NLGN1: variants seen among roughly 807,000 people sequenced by gnomAD.
NLGN1 encodes neuroligin 1, also known as neuroligin-1.
A neutral mutation model predicts 65.5 loss-of-function variants in NLGN1; 12 were observed. The observed-to-expected ratio is 0.18, with a 90% confidence interval of 0.12 to 0.30. The LOEUF is 0.30. Ranked by LOEUF, NLGN1 falls within the 10% of genes least tolerant of loss-of-function variation. The probability of loss-of-function intolerance (pLI) is 1.00; values close to 1 mark genes in which losing one functional copy is unlikely to be tolerated. For missense variants in NLGN1, 750 were observed against 1,007.1 expected, an observed-to-expected ratio of 0.74 and a Z score of 3.46; for synonymous variants, 350 against 359.5, an observed-to-expected ratio of 0.97 and a Z score of 0.30.
chr3:173,590,673 T>G (rs749712484), intron 2 of NLGN1, among the ~76,000 whole-genome samples: 12 of 152,208 alleles, frequency 7.9e-5, no homozygotes, highest in Non-Finnish European at 1.8e-4. Flanking sequence ...CTTTATGTAA[T>G]GAATACCTGG....
intron 2 of NLGN1, among the ~76,000 whole-genome samples, chr3:173,566,726 T>G (rs531082417): frequency 2.6e-5 from 4 of 152,274 alleles, no homozygotes; most frequent in African/African-American, 9.6e-5. Flanking sequence ...ATATTTATTT[T>G]TGTGTACATC....
rs1727454823 is a variant in NLGN1, at chr3:173,853,932, C to A, written c.646+46100C>A. ...AAATTTATATACATTTGATAGTGATCAGTCTTGTTTTATGCAATTGATATA... is the reference window on the plus strand; with the variant it reads ...AAATTTATATACATTTGATAGTGATAAGTCTTGTTTTATGCAATTGATATA... On this transcript the variant is annotated intron_variant, in intron 4 of 6. Coordinates refer to ENST00000457714, the Ensembl canonical transcript of NLGN1. Among the ~76,000 whole-genome samples, 2 of 151,760 alleles carry A rather than the reference C, an allele frequency of 1.3e-5. 1 individual carries two copies. Among genetic ancestry groups the A allele is most frequent in the Non-Finnish European group, 2.9e-5 (2 of 67,860 alleles).
At chr3:173,982,687 A>T (rs1225252025) in intron 4 of NLGN1, among the ~76,000 whole-genome samples, 1 of 152,192 alleles carries the variant, frequency 6.6e-6, no homozygotes, top group Non-Finnish European at 1.5e-5. Flanking sequence ...ACTTTTTGTC[A>T]TATTGGTTAG....
chr3:173,628,429 C>G lies in NLGN1; in HGVS notation c.493+23338C>G, dbSNP rs546736104. On this transcript the variant is annotated intron_variant, in intron 3 of 6. Coordinates refer to ENST00000457714, the Ensembl canonical transcript of NLGN1. ...CATCCACATGTGCAGAGGTATTGCA[C>G]TATGATTCAATAAAAATAAAGAAGT... 2.0e-5 allele frequency among the ~76,000 whole-genome samples: 3 copies of G among 151,956 alleles called. No individual in the cohort carries two copies. The East Asian group carries it at 5.8e-4, about 29-fold the overall frequency.
At chr3:174,212,137 C>T (rs1377480805) in intron 4 of NLGN1, among the ~76,000 whole-genome samples, 3 of 152,276 alleles carry the variant, frequency 2.0e-5, no homozygotes, top group Non-Finnish European at 4.4e-5. Flanking sequence ...AGCTAAGGCC[C>T]GGTGAGAAAT....
chr3:173,593,467 T>C (rs1485856015), intron 2 of NLGN1, among the ~76,000 whole-genome samples: 1 of 152,206 alleles, frequency 6.6e-6, no homozygotes, highest in African/African-American at 2.4e-5. Flanking sequence ...TACAAATTAC[T>C]GTGGAAAAAA....
intron 4 of NLGN1, among the ~76,000 whole-genome samples, chr3:174,133,284 G>A (rs778431883): frequency 2.0e-5 from 3 of 152,166 alleles, no homozygotes; most frequent in Non-Finnish European, 4.4e-5. Flanking sequence ...GAAGTCTCCA[G>A]ATCCTAACCT....
At chr3:173,914,532 T>TAC (rs1389982952) in intron 4 of NLGN1, among the ~76,000 whole-genome samples, 2 of 128,894 alleles carry the variant, frequency 1.6e-5, no homozygotes, top group East Asian at 3.1e-4. Flanking sequence ...CATACATCTA[T>TAC]ACATACACAC....
intron 2 of NLGN1, among the ~76,000 whole-genome samples, chr3:173,524,005 C>G (rs1735208120): frequency 6.7e-6 from 1 of 148,512 alleles, no homozygotes. Flanking sequence ...ACTGCAAGCT[C>G]TGCCTCCCAA....
intron 2 of NLGN1, among the ~76,000 whole-genome samples, chr3:173,603,572 C>T (rs1750907155): frequency 6.6e-6 from 1 of 151,950 alleles, no homozygotes; most frequent in African/African-American, 2.4e-5. Flanking sequence ...AATAACTTGT[C>T]TGCAAAAAAA....
intron 3 of NLGN1, among the ~76,000 whole-genome samples, chr3:173,799,059 T>A (rs1342729535): frequency 6.6e-6 from 1 of 152,170 alleles, no homozygotes; most frequent in South Asian, 2.1e-4. Context: ...TTAGACTTAA[T>A]GCCTGCTTCT....
At chr3:173,858,719 A>C (rs997480297) in intron 4 of NLGN1, among the ~76,000 whole-genome samples, 1 of 152,058 alleles carries the variant, frequency 6.6e-6, no homozygotes, top group African/African-American at 2.4e-5. Context: ...TAAACCTTTA[A>C]GTTCTGAGCC....
intron 3 of NLGN1, among the ~76,000 whole-genome samples, chr3:173,733,808 G>A (rs1475542048): frequency 6.6e-6 from 1 of 152,026 alleles, no homozygotes; most frequent in Non-Finnish European, 1.5e-5. Flanking sequence ...CACGGGGGAG[G>A]AACACTGTTT....
intron 3 of NLGN1, among the ~76,000 whole-genome samples, chr3:173,760,873 AT>A (rs1213710165): frequency 6.6e-6 from 1 of 151,990 alleles, no homozygotes. Context: ...AGCAACTAAA[AT>A]TTCTAGCTCA....
At chr3:173,861,285 T>C (rs1729020546) in intron 4 of NLGN1, among the ~76,000 whole-genome samples, 1 of 151,966 alleles carries the variant, frequency 6.6e-6, no homozygotes, top group Non-Finnish European at 1.5e-5. Context: ...GTAAATTTAA[T>C]GTGTAATTTT....
intron 4 of NLGN1, among the ~76,000 whole-genome samples, chr3:174,200,503 C>G (rs1734237505): frequency 6.6e-6 from 1 of 152,072 alleles, no homozygotes; most frequent in African/African-American, 2.4e-5. Flanking sequence ...GTAAAAGATT[C>G]ATCAGACACA....
At chr3:173,922,677 T>C (rs577692832) in intron 4 of NLGN1, among the ~76,000 whole-genome samples, 1 of 152,210 alleles carries the variant, frequency 6.6e-6, no homozygotes, top group South Asian at 2.1e-4. Flanking sequence ...GTAAGGATTA[T>C]TGATAAAAAG....
intron 2 of NLGN1, among the ~76,000 whole-genome samples, chr3:173,539,705 T>TATAC (rs1553879485): frequency 8.7e-5 from 4 of 46,122 alleles, no homozygotes; most frequent in Non-Finnish European, 1.6e-4. Context: ...TATGCACATA[T>TATAC]ATACATATAT....
intron 3 of NLGN1, among the ~76,000 whole-genome samples, chr3:173,616,606 G>GCTGT (rs1753133455): frequency 6.6e-6 from 1 of 152,086 alleles, no homozygotes; most frequent in Non-Finnish European, 1.5e-5. Flanking sequence ...ACCTTTCAGG[G>GCTGT]CTGTGTACAG....
Sources: allele counts gnomAD v4.1 joint callset (sites outside exome capture counted in the v4.1 genomes callset), GRCh38; gene constraint gnomAD v4.1.1; transcripts MANE v1.5; gene names NCBI Gene and HGNC (gene_info 2026-07-23, HGNC 2026-07-21).